The following IKBKB variants were observed in gnomAD, a reference collection of about 807,000 sequenced individuals.
IKBKB encodes inhibitor of nuclear factor kappa-B kinase subunit beta.
IKBKB carries 42 observed loss-of-function variants against 113.6 expected under a neutral mutation model. That is an observed-to-expected ratio of 0.37 (90% CI 0.29 to 0.48). IKBKB has a LOEUF of 0.48. Among genes scored for constraint, IKBKB ranks in the 20% least tolerant of loss-of-function variants. IKBKB has a pLI of 0.99. For synonymous variants in IKBKB, 296 were observed against 361.3 expected, an observed-to-expected ratio of 0.82 and a Z score of 2.05; for missense variants, 673 against 939.7, an observed-to-expected ratio of 0.72 and a Z score of 3.71.
At chr8:42,297,522 T>C (rs1009251188) in intron 5 of IKBKB, among the ~76,000 whole-genome samples, 8 of 152,202 alleles carry the variant, frequency 5.3e-5, no homozygotes, top group Non-Finnish European at 1.0e-4. Context: ...CTCAGAACAG[T>C]GTCAAGATAA....
intron 2 of IKBKB, among the ~76,000 whole-genome samples, chr8:42,277,121 G>A (rs1809311277): frequency 1.3e-5 from 2 of 151,120 alleles, no homozygotes; most frequent in Middle Eastern, 3.5e-3. Context: ...CCGCCTGCTC[G>A]GCCTCCCAAA....
chr8:42,302,103 C>A (rs1221348386), intron 5 of IKBKB, among the ~76,000 whole-genome samples: 1 of 152,248 alleles, frequency 6.6e-6, no homozygotes, highest in Non-Finnish European at 1.5e-5. Context: ...TGGCCTTGCT[C>A]TCTGCCAGCC....
chr8:42,271,734 G>C lies in IKBKB; in HGVS notation c.-19+265G>C, dbSNP rs551993771. 8.4e-5 allele frequency: 43 copies of C among 512,436 alleles called. No individual in the cohort carries two copies. The East Asian group carries it at 1.6e-3, about 18-fold the overall frequency. The allele number at this position is 512,436 out of a possible 1,614,324, so 31.7% of individuals were successfully genotyped here. The stretch of plus-strand genomic sequence containing the variant: ...CACGTGACCTCGGCGATGCTCAGAA[G>C]TAGGTTCTGCCCCTGCCACCTCGGG... On this transcript the variant is annotated intron_variant, in intron 1 of 21. Coordinates refer to ENST00000520810, the MANE Select transcript of IKBKB (RefSeq NM_001556.3).
chr8:42,304,831 C>G (rs1461641101), intron 5 of IKBKB, among the ~76,000 whole-genome samples: 1 of 152,202 alleles, frequency 6.6e-6, no homozygotes, highest in Non-Finnish European at 1.5e-5. Context: ...TAACACAGAT[C>G]GTGGGGTCAT....
chr8:42,314,783 A>T (rs542973225), intron 9 of IKBKB, among the ~76,000 whole-genome samples: 2 of 151,668 alleles, frequency 1.3e-5, no homozygotes, highest in Admixed American at 6.6e-5. Flanking sequence ...TCAAAAAAAA[A>T]AAAAAAGAAA....
At chr8:42,276,680 A>G (rs1366954150) in intron 2 of IKBKB, among the ~76,000 whole-genome samples, 2 of 149,844 alleles carry the variant, frequency 1.3e-5, no homozygotes, top group Admixed American at 1.3e-4. Context: ...TTCCCAGACC[A>G]ATGCCCTGAA....
chr8:42,330,416 C>A, intron 21 of IKBKB: 1 of 598,176 alleles, frequency 1.7e-6, no homozygotes, highest in Non-Finnish European at 2.1e-6. Context: ...GAACTCCTGG[C>A]CTCAAGCGAT....
intron 8 of IKBKB, among the ~76,000 whole-genome samples, chr8:42,312,982 C>G (rs1294248769): frequency 3.3e-5 from 5 of 152,184 alleles, no homozygotes; most frequent in African/African-American, 1.2e-4. Flanking sequence ...TTGGACAAAT[C>G]ATTTGATCAT....
At chr8:42,272,939 C>CA (rs71221204) in intron 2 of IKBKB, among the ~76,000 whole-genome samples, 10,582 of 49,644 alleles carry the variant, frequency 0.21, 1,718 homozygotes, top group African/African-American at 0.47. Context: ...GACTCCGTCT[C>CA]AAAAAAAAAA....
intron 20 of IKBKB, among the ~76,000 whole-genome samples, chr8:42,328,227 G>A (rs986535688): frequency 1.3e-4 from 19 of 149,944 alleles, no homozygotes; most frequent in African/African-American, 4.4e-4. Flanking sequence ...GATTACAGGC[G>A]TGAGCCACCG....
chr8:42,331,540 G>C lies in IKBKB; in HGVS notation c.*561G>C, dbSNP rs537980574. On this transcript the variant is annotated 3_prime_UTR_variant, in exon 22 of 22. Coordinates refer to ENST00000520810, the MANE Select transcript of IKBKB (RefSeq NM_001556.3). ...CTCCTAAACAGACAGTTTAATTATA[G>C]TTGCGGCCTGGCCCCATCCTCACTT... 3 of 621,070 alleles carry C rather than the reference G, an allele frequency of 4.8e-6. No homozygotes were observed. The East Asian group carries it at 8.2e-5, about 17-fold the overall frequency. 38.5% of individuals were successfully genotyped at this position (621,070 alleles called of 1,614,324 possible). A position where few individuals can be genotyped will look rare whatever the true frequency, so the allele number is the denominator to read the frequency against.
chr8:42,293,623 A>G (rs931230009), intron 5 of IKBKB, 111 bp downstream of exon 5: 14 of 1,586,694 alleles, frequency 8.8e-6, no homozygotes, highest in Middle Eastern at 2.0e-4. Context: ...GTCTCTGTGG[A>G]AGGGGAATGG....
rs141519186 is a variant in IKBKB, at chr8:42,303,756, G to A, written c.389-1431G>A. On this transcript the variant is annotated intron_variant, in intron 5 of 21. Transcript: ENST00000520810. The stretch of plus-strand genomic sequence containing the variant: ...TCCTGACCTCAGGTGATTCGCCCAC[G>A]TTGGCCTCCCAAAGTGTTGGGATTA... 3.0e-4 allele frequency among the ~76,000 whole-genome samples: 45 copies of A among 152,164 alleles called. 1 individual carries two copies. The highest frequency in any genetic ancestry group is 7.5e-4 in the African/African-American group (31 of 41,516).
intron 4 of IKBKB, among the ~76,000 whole-genome samples, chr8:42,290,836 C>T (rs900736264): frequency 2.6e-5 from 4 of 152,250 alleles, no homozygotes; most frequent in Admixed American, 6.5e-5. Context: ...CACCTTCTCA[C>T]CACACCACCT....
intron 20 of IKBKB, among the ~76,000 whole-genome samples, chr8:42,327,092 G>C (rs1585827420): frequency 6.6e-6 from 1 of 152,190 alleles, no homozygotes; most frequent in Non-Finnish European, 1.5e-5. Flanking sequence ...CACTTTAAAT[G>C]GGTGAGCTTT....
rs1212103006 is a variant in IKBKB, at chr8:42,326,019, C to T, written c.2036C>T (p.Ser679Phe). 17 of 1,614,136 alleles carry T rather than the reference C, an allele frequency of 1.1e-5. No homozygotes were observed. Among genetic ancestry groups the T allele is most frequent in the Non-Finnish European group, 1.4e-5 (17 of 1,180,060 alleles). ...GGAAGCCCGGATAGCATGAATGCCT[C>T]TCGACTTAGCCAGCCTGGGCAGCTG... ...VSGSPDSMNA[S>F]RLSQPGQLMS... Residue 679 changes from serine (S) to phenylalanine (F), a missense_variant, in exon 20 of 22, where the codon TCT becomes TTT. Ser to Phe is a radical substitution (Grantham distance 155). Transcript: ENST00000520810.
chr8:42,319,314 A>ATTCCATGGC lies in IKBKB; in HGVS notation c.1417_1425dup (p.Ala473_Met475dup), dbSNP rs1791969386. 1 of 1,614,186 alleles carries ATTCCATGGC rather than the reference A, an allele frequency of 6.2e-7. No individual in the cohort carries two copies. The highest frequency in any genetic ancestry group is 1.3e-5 in the African/African-American group (1 of 75,054). ...AACAGCTGCCTCTCCAAAATGAAGA[A>ATTCCATGGC]TTCCATGGCTTCCATGTCTCAGCAG... On this transcript the variant is annotated inframe_insertion, in exon 14 of 22. Coordinates refer to ENST00000520810, the MANE Select transcript of IKBKB (RefSeq NM_001556.3).
At chr8:42,278,625 G>C (rs973650751) in intron 2 of IKBKB, among the ~76,000 whole-genome samples, 2 of 152,176 alleles carry the variant, frequency 1.3e-5, no homozygotes, top group African/African-American at 4.8e-5. Flanking sequence ...CACTGGCTCC[G>C]TCCCAGTGAT....
intron 5 of IKBKB, among the ~76,000 whole-genome samples, chr8:42,300,682 A>G (rs1470287534): frequency 6.6e-6 from 1 of 152,172 alleles, no homozygotes; most frequent in Non-Finnish European, 1.5e-5. Flanking sequence ...CTCATGAGCC[A>G]GGGAAAGGCT....
Sources: gnomAD v4.1 joint callset for allele counts (sites outside exome capture counted in the v4.1 genomes callset) on GRCh38, gnomAD v4.1.1 for gene constraint, MANE v1.5 for transcripts, NCBI Gene and HGNC (gene_info 2026-07-23, HGNC 2026-07-21) for gene names.